CHST9: variants seen among roughly 807,000 people sequenced by gnomAD.
CHST9 encodes carbohydrate sulfotransferase 9.
A neutral mutation model predicts 44.4 loss-of-function variants in CHST9; 41 were observed. The observed-to-expected ratio is 0.92, with a 90% CI of 0.72 to 1.20. The LOEUF is 1.20. Among genes scored for constraint, CHST9 ranks in the 50% most tolerant of loss-of-function variants. CHST9 has a pLI of 0.00. For missense variants in CHST9, 504 were observed against 516.5 expected (o/e 0.98, Z 0.23); for synonymous variants, 171 against 178.4 (o/e 0.96, Z 0.33).
intron 4 of CHST9, among the ~76,000 whole-genome samples, chr18:26,998,739 CA>C (rs11480705): frequency 0.022 from 2,536 of 114,052 alleles, 60 homozygotes; most frequent in African/African-American, 0.064. Flanking sequence ...ACAACAACAA[CA>C]AAAAAAAAAA....
chr18:27,009,959 C>T (rs988978479), intron 4 of CHST9, among the ~76,000 whole-genome samples: 1 of 152,134 alleles, frequency 6.6e-6, no homozygotes, highest in South Asian at 2.1e-4. Context: ...CTAAATTAAA[C>T]CAGCAAAAGT....
chr18:26,998,976 A>C lies in CHST9; in HGVS notation c.202+25140T>G, dbSNP rs372346746. On this transcript the variant is annotated intron_variant, in intron 4 of 5. Coordinates refer to ENST00000618847, the MANE Select transcript of CHST9 (RefSeq NM_031422.6). ...TTTTCTCTGGGTAGCAGGAGGTTCC[A>C]CAATTCCCCAGCCCCATTTCCTTTT... Among the ~76,000 whole-genome samples the C allele has an allele frequency of 4.8e-4, 73 of 152,300 alleles. 1 individual carries two copies. In the South Asian group the frequency reaches 0.013, roughly 28 times the overall value.
At chr18:26,933,396 C>T (rs1367934519) in intron 5 of CHST9, among the ~76,000 whole-genome samples, 1 of 152,186 alleles carries the variant, frequency 6.6e-6, no homozygotes, top group Non-Finnish European at 1.5e-5. Flanking sequence ...TAATGCCTGA[C>T]ATGTAGTGTA....
At chr18:26,999,454 C>T (rs1145109) in intron 4 of CHST9, among the ~76,000 whole-genome samples, 97,586 of 151,908 alleles carry the variant, frequency 0.64, 31,726 homozygotes, top group African/African-American at 0.73. Context: ...ATGCAGTGTG[C>T]TCTAAAAACT....
At chr18:26,932,387 A>G (rs2055894080) in intron 5 of CHST9, among the ~76,000 whole-genome samples, 1 of 152,134 alleles carries the variant, frequency 6.6e-6, no homozygotes, top group African/African-American at 2.4e-5. Context: ...TTAGAAACAC[A>G]TATACTGAGA....
chr18:27,030,461 T>C (rs1047186798), intron 3 of CHST9, among the ~76,000 whole-genome samples: 4 of 152,226 alleles, frequency 2.6e-5, no homozygotes, highest in African/African-American at 9.7e-5. Context: ...TGTTTCATGA[T>C]TTAAAGATTG....
chr18:26,934,985 A>C (rs1237715907), intron 5 of CHST9: 1 of 152,226 alleles, frequency 6.6e-6, no homozygotes. Flanking sequence ...TTAGAGTAGG[A>C]ACTCGGCTGG....
chr18:27,027,804 GA>G (rs2057298838), intron 3 of CHST9, among the ~76,000 whole-genome samples: 1 of 152,066 alleles, frequency 6.6e-6, no homozygotes, highest in Non-Finnish European at 1.5e-5. Flanking sequence ...AAAGTAGATT[GA>G]AAAAGGCACA....
chr18:27,177,304 C>A (rs2058876192), intron 1 of CHST9, among the ~76,000 whole-genome samples: 1 of 151,834 alleles, frequency 6.6e-6, no homozygotes, highest in African/African-American at 2.4e-5. Flanking sequence ...ATGATAATTT[C>A]TTTAAAACTG....
chr18:26,989,890 C>T (rs1310880377), intron 4 of CHST9, among the ~76,000 whole-genome samples: 1 of 152,062 alleles, frequency 6.6e-6, no homozygotes, highest in Non-Finnish European at 1.5e-5. Context: ...GCAGAGATTG[C>T]AGTGAGCCAA....
At chr18:27,111,120 G>A (rs2058267367) in intron 2 of CHST9, among the ~76,000 whole-genome samples, 2 of 152,206 alleles carry the variant, frequency 1.3e-5, no homozygotes, top group South Asian at 2.1e-4. Flanking sequence ...ATGCTGCGGG[G>A]CTGATGACCA....
chr18:27,165,501 G>A lies in CHST9; in HGVS notation c.-97+19635C>T, dbSNP rs573090042. ...AAATCCTCTCATCCCATGGTGGGAA[G>A]TCAGTAGATAAAGCCTAAAACTAAA... On this transcript the variant is annotated intron_variant, in intron 1 of 5. Transcript: ENST00000618847. Among the ~76,000 whole-genome samples, 4 of 152,312 alleles carry A rather than the reference G, an allele frequency of 2.6e-5. No homozygotes were observed. In the South Asian group the frequency reaches 8.3e-4, roughly 32 times the overall value.
intron 4 of CHST9, among the ~76,000 whole-genome samples, chr18:26,967,704 A>G (rs1473119991): frequency 6.6e-6 from 1 of 152,184 alleles, no homozygotes; most frequent in East Asian, 1.9e-4. Flanking sequence ...GATTGGATTG[A>G]AGGATGCAAA....
At chr18:27,070,248 G>A (rs2057824344) in intron 2 of CHST9, among the ~76,000 whole-genome samples, 1 of 152,128 alleles carries the variant, frequency 6.6e-6, no homozygotes, top group South Asian at 2.1e-4. Flanking sequence ...CTGGGCTTGG[G>A]TCAGCTTCAG....
intron 4 of CHST9, among the ~76,000 whole-genome samples, chr18:27,014,411 G>A (rs2576276): frequency 1.6e-5 from 2 of 121,358 alleles, no homozygotes; most frequent in South Asian, 2.9e-4. Context: ...CCGAGATCCC[G>A]CCACTGCACT....
At chr18:27,052,278 GTATATATATGT>G (rs2057576893) in intron 2 of CHST9, among the ~76,000 whole-genome samples, 1 of 68,592 alleles carries the variant, frequency 1.5e-5, no homozygotes. Context: ...GTATATATAT[GTATATATATGT>G]GTGTATATAT....
chr18:27,053,256 AAGAAGG>A (rs1222225670), intron 2 of CHST9, among the ~76,000 whole-genome samples: 109 of 80,506 alleles, frequency 1.4e-3, no homozygotes, highest in South Asian at 2.5e-3. Context: ...GAAGAAGAAG[AAGAAGG>A]AGAAGGAGAA....
In CHST9 at chr18:27,075,151, CTTTT is replaced by C. The variant is rs767642150; in HGVS notation, c.122-26652_122-26649del. 3.5e-3 allele frequency among the ~76,000 whole-genome samples: 483 copies of C among 136,360 alleles called. 1 individual carries two copies. Among genetic ancestry groups the C allele is most frequent in the Non-Finnish European group, 5.2e-3 (328 of 63,202 alleles). The allele number at this position is 136,360 out of a possible 152,430, so 89.5% of individuals were successfully genotyped here. A position where few individuals can be genotyped will look rare whatever the true frequency, so the allele number is the denominator to read the frequency against. On this transcript the variant is annotated intron_variant, in intron 2 of 5. Transcript: ENST00000618847. The stretch of plus-strand genomic sequence containing the variant: ...TCTTATGAGAGGGTTTTGGGGGTTG[CTTTT>C]TTTGTTTGTTTTTTTTGTTTTTTGT...
chr18:27,108,192 ACC>A (rs1217546975), intron 2 of CHST9, among the ~76,000 whole-genome samples: 2 of 152,072 alleles, frequency 1.3e-5, no homozygotes, highest in Non-Finnish European at 2.9e-5. Flanking sequence ...ATCATGGTTC[ACC>A]TGCCTGTGTA....
Sources: allele counts gnomAD v4.1 joint callset (sites outside exome capture counted in the v4.1 genomes callset), GRCh38; gene constraint gnomAD v4.1.1; transcripts MANE v1.5; gene names NCBI Gene and HGNC (gene_info 2026-07-23, HGNC 2026-07-21).